Variants in NACA observed in about 807,000 individuals in gnomAD.
The protein encoded by NACA is nascent polypeptide-associated complex subunit alpha.
NACA carries 42 observed loss-of-function variants against 86.4 expected under a neutral mutation model. The observed-to-expected ratio is 0.49, with a 90% CI of 0.38 to 0.63. The LOEUF is 0.63. Among genes scored for constraint, NACA ranks in the 20% least tolerant of loss-of-function variants. The pLI is 0.00. For synonymous variants in NACA, 898 were observed against 973.7 expected (o/e 0.92, Z 1.45); for missense variants, 2,157 against 2,483.6 (o/e 0.87, Z 2.80).
chr12:56,721,773 C>A (rs959191637), intron 2 of NACA, among the ~76,000 whole-genome samples: 3 of 152,178 alleles, frequency 2.0e-5, no homozygotes, highest in Non-Finnish European at 4.4e-5. Context: ...GGAGCACAGA[C>A]TCTTGGTAGG....
In NACA at chr12:56,717,125, C is replaced by T; in HGVS notation, c.4405G>A (p.Ala1469Thr). 7.9e-7 allele frequency: 1 copy of T among 1,262,440 alleles called. No homozygotes were observed. The highest frequency in any genetic ancestry group is 1.0e-6 in the Non-Finnish European group (1 of 985,176). The allele number at this position is 1,262,440 out of a possible 1,614,324, so 78.2% of individuals were successfully genotyped here. ...TCCTTGGGGGAAGGAGGAGTCACTGCTGGGAGGGTGGGATCCCCTTTGGAG... is the reference window on the plus strand; with the variant it reads ...TCCTTGGGGGAAGGAGGAGTCACTGTTGGGAGGGTGGGATCCCCTTTGGAG... ...PSSKGDPTLP[A>T]VTPPSPKEPP... Residue 1469 changes from alanine to threonine, a missense_variant, in exon 3 of 9, where the codon GCA becomes ACA. Around this residue, in one of 8 missense-constraint regions of NACA, gnomAD observed 797 missense variants for 777.6 expected, o/e 1.02. Coordinates refer to ENST00000454682, the MANE Select transcript of NACA (RefSeq NM_001365896.1).
intron 2 of NACA, among the ~76,000 whole-genome samples, chr12:56,722,614 G>A (rs1327052817): frequency 6.6e-6 from 1 of 152,168 alleles, no homozygotes; most frequent in Non-Finnish European, 1.5e-5. Flanking sequence ...CTTGAACCCA[G>A]GAGGTGGAGG....
chr12:56,717,611 T>C lies in NACA; in HGVS notation c.3919A>G (p.Lys1307Glu). The change falls in exon 3 of 9, where the codon AAA becomes GAA. Residue 1307 changes from lysine to glutamate, a missense_variant. Lys to Glu is a moderately conservative substitution (Grantham distance 56). This residue lies in a region of NACA where 797 missense variants were observed against 777.6 expected (regional missense o/e 1.02). Transcript: ENST00000454682. ...PKGGPATSPP[K>E]GAPTPPAATP... ...GCAGCTGGAGGAGTGGGGGCCCCTTTGGGGGGTGAGGTAGCTGGGCCTCCT... is the reference window on the plus strand; with the variant it reads ...GCAGCTGGAGGAGTGGGGGCCCCTTCGGGGGGTGAGGTAGCTGGGCCTCCT... The C allele has an allele frequency of 8.1e-7, 1 of 1,229,286 alleles. No individual in the cohort carries two copies. Among genetic ancestry groups the C allele is most frequent in the Non-Finnish European group, 1.0e-6 (1 of 965,042 alleles). 76.1% of individuals were successfully genotyped at this position (1,229,286 alleles called of 1,614,324 possible). A position where few individuals can be genotyped will look rare whatever the true frequency, so the allele number is the denominator to read the frequency against.
chr12:56,721,902 G>T (rs576890900), intron 2 of NACA, among the ~76,000 whole-genome samples: 20 of 152,262 alleles, frequency 1.3e-4, no homozygotes, highest in African/African-American at 4.8e-4. Context: ...GAACAGCTGT[G>T]CTACTCTGTC....
Position 56,716,559 on chromosome 12 carries a change from G to A in NACA, c.4971C>T (p.Val1657=), listed in dbSNP as rs1555225008. Residue 1657 remains valine, a synonymous_variant, in exon 3 of 9, where the codon GTC becomes GTT. Coordinates refer to ENST00000454682, the MANE Select transcript of NACA (RefSeq NM_001365896.1). ...GAACAGTGGCCCCCATTTTACATGT[G>A]ACAGAAGCTGGGGAAGTAGGGGAGT... ...LKDSPTSPAS[V]TCKMGATVPQ... is the part of the protein sequence containing the mutation. The A allele has an allele frequency of 1.4e-5, 20 of 1,462,298 alleles. No homozygotes were observed. Among genetic ancestry groups the A allele is most frequent in the Non-Finnish European group, 1.8e-5 (20 of 1,081,874 alleles). The allele number at this position is 1,462,298 out of a possible 1,614,324, so 90.6% of individuals were successfully genotyped here. A position where few individuals can be genotyped will look rare whatever the true frequency, so the allele number is the denominator to read the frequency against.
chr12:56,716,223 C>T lies in NACA; in HGVS notation c.5307G>A (p.Ala1769=), dbSNP rs754270901. Residue 1769 remains alanine, a synonymous_variant, in exon 3 of 9, where the codon GCG becomes GCA. Coordinates refer to ENST00000454682, the MANE Select transcript of NACA (RefSeq NM_001365896.1). ...AGGCAGCTGCTGTTAGAGGGGTGGA[C>T]GCCTTAGACTCAGGAGGAGCCAAGG... ...KGPLAPPESK[A]STPLTAAAFE... is the part of the protein sequence containing the mutation. 23 of 1,613,634 alleles carry T rather than the reference C, an allele frequency of 1.4e-5. No homozygotes were observed. The highest frequency in any genetic ancestry group is 1.6e-4 in the Middle Eastern group (1 of 6,084).
rs759535045 is a variant in NACA at position 56,718,782 on chromosome 12, GGAA to G, written c.2745_2747del (p.Ser917del). On this transcript the variant is annotated inframe_deletion, in exon 3 of 9. Transcript: ENST00000454682. ...GAGTTGCTCGGGCCTTTTTGGGGGA[GGAA>G]GAAGTCATGGATAGAGCAGGAGCCT... The G allele has an allele frequency of 1.0e-5, 15 of 1,445,848 alleles. No homozygotes were observed. Among genetic ancestry groups the G allele is most frequent in the Non-Finnish European group, 1.3e-5 (14 of 1,071,016 alleles). The allele number at this position is 1,445,848 out of a possible 1,614,324, so 89.6% of individuals were successfully genotyped here. A position where few individuals can be genotyped will look rare whatever the true frequency, so the allele number is the denominator to read the frequency against.
Position 56,713,535 on chromosome 12 carries a change from A to C in NACA, c.5970+2T>G. 1 of 1,613,690 alleles carries C rather than the reference A, an allele frequency of 6.2e-7. No individual in the cohort carries two copies. The highest frequency in any genetic ancestry group is 8.5e-7 in the Non-Finnish European group (1 of 1,179,728). On this transcript the variant is annotated splice_donor_variant, in intron 6 of 8. Coordinates refer to ENST00000454682, the MANE Select transcript of NACA (RefSeq NM_001365896.1). LOFTEE classifies it high-confidence loss of function. ...AACAATGCCCAAGAAAAGTTTACTC[A>C]CCTTGGCTTCCCCAAAAACTATGTA...
Position 56,720,769 on chromosome 12 carries a change from A to T in NACA, c.761T>A (p.Val254Asp). The change falls in exon 3 of 9, where the codon GTT becomes GAT. Residue 254 changes from valine (V) to aspartate (D), a missense_variant. By Grantham distance (152) the Val-to-Asp change is radical. Around this residue, in one of 8 missense-constraint regions of NACA, gnomAD observed 947 missense variants for 917.9 expected, o/e 1.03. Coordinates refer to ENST00000454682, the MANE Select transcript of NACA (RefSeq NM_001365896.1). ...TCCTGGGTTTTGTGGAGAAATCAGA[A>T]CTGAGGAAATGGTGGTATCTTTGAC... ...PQVKDTTISSVLISPQNPGSL... is the reference protein window; with the variant it reads ...PQVKDTTISSDLISPQNPGSL... 1 of 1,614,006 alleles carries T rather than the reference A, an allele frequency of 6.2e-7. No individual in the cohort carries two copies. The highest frequency in any genetic ancestry group is 8.5e-7 in the Non-Finnish European group (1 of 1,179,898).
Position 56,715,958 on chromosome 12 carries a change from C to T in NACA, c.5572G>A (p.Val1858Ile), listed in dbSNP as rs867717527. 40 of 1,547,508 alleles carry T rather than the reference C, an allele frequency of 2.6e-5. No homozygotes were observed. Among genetic ancestry groups the T allele is most frequent in the Non-Finnish European group, 3.5e-5 (40 of 1,146,494 alleles). ...TTAGGGGTGGGCATGTTGACGAGGA[C>T]CGACTGGAAAGGCACTCCCCCAGAG... is the stretch of plus-strand genomic sequence containing the variant. The part of the protein sequence containing the change: ...PISGGVPFQS[V>I]LVNMPTPKSA... The change falls in exon 3 of 9, where the codon GTC becomes ATC. Residue 1858 changes from valine to isoleucine, a missense_variant. By Grantham distance (29) the Val-to-Ile change is conservative. This residue lies in a region of NACA where 797 missense variants were observed against 777.6 expected (regional missense o/e 1.02). Coordinates refer to ENST00000454682, the MANE Select transcript of NACA (RefSeq NM_001365896.1).
chr12:56,712,538 T>C lies in NACA; in HGVS notation c.6237A>G (p.Ter2079=). ...IVNAIMELTM[*] ...ACCAAAAAAAGTTGCTTCCATATGG[T>C]TACATTGTTAATTCCTGTAACAGAG... The change falls in exon 9 of 9, where the codon TAA becomes TAG. Residue 2079 remains the stop codon, a stop_retained_variant. Coordinates refer to ENST00000454682, the MANE Select transcript of NACA (RefSeq NM_001365896.1). The C allele has an allele frequency of 6.2e-7, 1 of 1,613,452 alleles. No homozygotes were observed. The highest frequency in any genetic ancestry group is 8.5e-7 in the Non-Finnish European group (1 of 1,179,716).
rs755316722 is a variant in NACA at position 56,720,257 on chromosome 12, AATG to A, written c.1270_1272del (p.His424del). On this transcript the variant is annotated inframe_deletion, in exon 3 of 9. Coordinates refer to ENST00000454682, the MANE Select transcript of NACA (RefSeq NM_001365896.1). ...ACGGGCATTTGGGCCACTAAAGGAT[AATG>A]ATAAGTGGCATTAGGAGAGCTTTTG... is the stretch of plus-strand genomic sequence containing the variant. The A allele has an allele frequency of 4.6e-5, 75 of 1,613,882 alleles. No individual in the cohort carries two copies. The highest frequency in any genetic ancestry group is 6.2e-5 in the Non-Finnish European group (73 of 1,179,900).
intron 2 of NACA, among the ~76,000 whole-genome samples, chr12:56,723,636 GA>G (rs1953632406): frequency 1.3e-5 from 2 of 151,878 alleles, no homozygotes. Flanking sequence ...TCCAAAAAGG[GA>G]CAGGAATTGC....
At chr12:56,714,505 G>C in intron 4 of NACA, 66 bp from the exon 5 acceptor site, 2 of 1,604,192 alleles carry the variant, frequency 1.2e-6, no homozygotes, top group Non-Finnish European at 1.7e-6. Context: ...TCTCCTTGTG[G>C]GTTTTCCTTT....
rs768675053 is a variant in NACA at position 56,719,499 on chromosome 12, T to C, written c.2031A>G (p.Leu677=). The C allele has an allele frequency of 5.6e-6, 9 of 1,613,952 alleles. No homozygotes were observed. Among genetic ancestry groups the C allele is most frequent in the Non-Finnish European group, 7.6e-6 (9 of 1,179,860 alleles). Residue 677 remains leucine, a synonymous_variant, in exon 3 of 9, where the codon CTA becomes CTG. Transcript: ENST00000454682. ...STYTTTASPF[L]EGTVSLAPKN... is the part of the protein sequence containing the mutation. ...TAGGAGCTAAAGAGACAGTTCCTTC[T>C]AGAAAAGGGCTGGCTGTAGTTGTAT...
chr12:56,718,511 CTT>C lies in NACA; in HGVS notation c.3017_3018del (p.Lys1006ArgfsTer338). 2 of 1,177,266 alleles carry C rather than the reference CTT, an allele frequency of 1.7e-6. No individual in the cohort carries two copies. The highest frequency in any genetic ancestry group is 2.1e-6 in the Non-Finnish European group (2 of 944,432). 72.9% of individuals were successfully genotyped at this position (1,177,266 alleles called of 1,614,324 possible). On this transcript the variant is annotated frameshift_variant, in exon 3 of 9. Coordinates refer to ENST00000454682, the MANE Select transcript of NACA (RefSeq NM_001365896.1). LOFTEE classifies it high-confidence loss of function. Reference sequence around the variant, plus strand: ...GTCACAGCTGGGGGTGTGGGGGCCCCTTTGGGGGATGGAGTAGCTGGACCTCC... The same window carrying C: ...GTCACAGCTGGGGGTGTGGGGGCCCCTGGGGGATGGAGTAGCTGGACCTCC... ...PKGGPATPSP[K>X]GAPTPPAVTP... is the part of the protein sequence containing the mutation.
rs541218558 is a variant in NACA at position 56,715,556 on chromosome 12, T to G, written c.5659+315A>C. On this transcript the variant is annotated intron_variant, in intron 3 of 8. Transcript: ENST00000454682. ...GTAGGGATTAGAGCAAATGAAAAGG[T>G]CTGGCAGGTCTTGGTTTTCAATGTC... Among the ~76,000 whole-genome samples, 83 of 152,162 alleles carry G rather than the reference T, an allele frequency of 5.5e-4. 1 individual carries two copies. The highest frequency in any genetic ancestry group is 2.4e-4 in the Non-Finnish European group (16 of 68,000).
Position 56,720,165 on chromosome 12 carries a change from A to G in NACA, c.1365T>C (p.Thr455=). 1 of 1,613,980 alleles carries G rather than the reference A, an allele frequency of 6.2e-7. No homozygotes were observed. Reference sequence around the variant, plus strand: ...AAACACAAGTAGCTACCTCAAAGGTAGTAGTAGGTGCTGCAGCAATTGTAC... The same window carrying G: ...AAACACAAGTAGCTACCTCAAAGGTGGTAGTAGGTGCTGCAGCAATTGTAC... The part of the protein sequence containing the change: ...NPCTIAAAPT[T]TFEVATCVSP... Residue 455 remains threonine (T), a synonymous_variant, in exon 3 of 9, where the codon ACT becomes ACC. Transcript: ENST00000454682.
chr12:56,721,281 G>A lies in NACA; in HGVS notation c.249C>T (p.Pro83=). The A allele has an allele frequency of 1.9e-6, 3 of 1,613,066 alleles. No homozygotes were observed. Among genetic ancestry groups the A allele is most frequent in the Non-Finnish European group, 1.7e-6 (2 of 1,179,520 alleles). ...IASTPLEVPF[P]QSSSGTALPL... ...GTAGGGCTGTTCCAGAGGATGACTGGGGAAAAGGAACTTCTAAAGGGGTCG... is the reference window on the plus strand; with the variant it reads ...GTAGGGCTGTTCCAGAGGATGACTGAGGAAAAGGAACTTCTAAAGGGGTCG... Residue 83 remains proline (P), a synonymous_variant, in exon 3 of 9, where the codon CCC becomes CCT. Transcript: ENST00000454682.
Sources: allele counts gnomAD v4.1 joint callset (sites outside exome capture counted in the v4.1 genomes callset), GRCh38; gene constraint gnomAD v4.1.1; regional missense constraint gnomAD v4.1.1; transcripts MANE v1.5; gene names NCBI Gene and HGNC (gene_info 2026-07-23, HGNC 2026-07-21).